Variants in RYR3 observed in about 807,000 individuals in gnomAD.
RYR3 encodes brain ryanodine receptor-calcium release channel.
A neutral mutation model predicts 584.3 loss-of-function variants in RYR3; 207 were observed. The observed-to-expected ratio is 0.35, with a 90% confidence interval of 0.32 to 0.40. RYR3 has a LOEUF of 0.40. RYR3 is among the 10% of genes least tolerant of loss of function. RYR3 has a pLI of 1.00. For synonymous variants in RYR3, 2,416 were observed against 2,248.5 expected, an observed-to-expected ratio of 1.07 and a Z score of -2.11; for missense variants, 5,616 against 6,089.2, an observed-to-expected ratio of 0.92 and a Z score of 2.59.
chr15:33,725,976 C>CGCCCAAA (rs1555427643), intron 45 of RYR3, among the ~76,000 whole-genome samples: 11 of 31,520 alleles, frequency 3.5e-4, no homozygotes, highest in East Asian at 9.0e-4. Flanking sequence ...TCCCCCCCCC[C>CGCCCAAA]AAAAAAAAAA....
chr15:33,571,616 G>C (rs11853587), intron 12 of RYR3, among the ~76,000 whole-genome samples: 37,093 of 152,050 alleles, frequency 0.24, 7,629 homozygotes, highest in African/African-American at 0.57. Context: ...CAGGTGTCTT[G>C]AATGTGCAGA....
intron 19 of RYR3, 61 bp from the exon 20 acceptor site, chr15:33,623,746 C>T: frequency 8.0e-7 from 1 of 1,243,658 alleles, no homozygotes; most frequent in Non-Finnish European, 1.2e-6. Flanking sequence ...TTAATTTTCA[C>T]TTATTTGGGC....
intron 21 of RYR3, among the ~76,000 whole-genome samples, chr15:33,629,412 A>T (rs750183206): frequency 4.6e-5 from 7 of 152,230 alleles, no homozygotes; most frequent in Non-Finnish European, 1.0e-4. Flanking sequence ...ATAATTTCTT[A>T]TATTGATTAC....
intron 42 of RYR3, among the ~76,000 whole-genome samples, chr15:33,705,452 A>ATC (rs1375797606): frequency 2.0e-5 from 3 of 152,190 alleles, no homozygotes; most frequent in Admixed American, 6.5e-5. Flanking sequence ...AAAAAACACC[A>ATC]TCTCTGACTT....
rs537378159 is a variant in RYR3, at chr15:33,523,479, G to T, written c.280-7113G>T. ...ACCTTCAGGAGCTGTAGCACTCACC[G>T]CAAGGTCTGCGGCTTCATTCTTGAA... On this transcript the variant is annotated intron_variant, in intron 3 of 103. Coordinates refer to ENST00000634891, the MANE Select transcript of RYR3 (RefSeq NM_001036.6). Among the ~76,000 whole-genome samples the T allele has an allele frequency of 2.6e-5, 4 of 152,220 alleles. No homozygotes were observed. In the South Asian group the frequency reaches 8.3e-4, roughly 32 times the overall value.
At chr15:33,763,892 C>CAAAAACAAAAAAAAAAAAA (rs1555447212) in intron 60 of RYR3, among the ~76,000 whole-genome samples, 1 of 45,872 alleles carries the variant, frequency 2.2e-5, no homozygotes, top group African/African-American at 9.0e-5. Flanking sequence ...GACTTCATCT[C>CAAAAACAAAAAAAAAAAAA]AAAAAAAAAA....
chr15:33,827,367 A>G (rs1409139794), intron 85 of RYR3, 80 bp downstream of exon 85: 1 of 1,292,714 alleles, frequency 7.7e-7, no homozygotes, highest in East Asian at 2.5e-5. Context: ...GGTCAGGGAC[A>G]GCCCAGGATA....
intron 7 of RYR3, among the ~76,000 whole-genome samples, chr15:33,541,831 G>A (rs1032474163): frequency 1.3e-5 from 2 of 152,094 alleles, no homozygotes; most frequent in African/African-American, 4.8e-5. Context: ...GATGTGTTTA[G>A]CCCTCTTCCT....
At chr15:33,813,716 A>G (rs900899305) in intron 74 of RYR3, 137 bp downstream of exon 74, 3 of 703,596 alleles carry the variant, frequency 4.3e-6, no homozygotes, top group African/African-American at 1.8e-5. Flanking sequence ...TGCAGTCTGC[A>G]TAGTATAAGG....
At chr15:33,755,313 T>TC in intron 58 of RYR3, 133 bp downstream of exon 58, 1 of 651,496 alleles carries the variant, frequency 1.5e-6, no homozygotes, top group Admixed American at 2.6e-5. Flanking sequence ...GAAATTTTTT[T>TC]CCCCCAACTT....
At position 33,657,859 on chromosome 15, in the gene RYR3, A is replaced by G. The variant is rs565035810; in HGVS notation, c.4309-1861A>G. ...TGGATGAAAGTCTGGGGTTTAACCAATCCAGCCTATTTCATCATGAACAAA... is the reference window on the plus strand; with the variant it reads ...TGGATGAAAGTCTGGGGTTTAACCAGTCCAGCCTATTTCATCATGAACAAA... On this transcript the variant is annotated intron_variant, in intron 32 of 103. Coordinates refer to ENST00000634891, the MANE Select transcript of RYR3 (RefSeq NM_001036.6). Among the ~76,000 whole-genome samples the G allele has an allele frequency of 3.9e-5, 6 of 152,308 alleles. No individual in the cohort carries two copies. In the South Asian group the frequency reaches 1.0e-3, roughly 26 times the overall value.
intron 1 of RYR3, among the ~76,000 whole-genome samples, chr15:33,346,954 A>G (rs1203545474): frequency 1.3e-5 from 2 of 152,208 alleles, no homozygotes; most frequent in East Asian, 3.8e-4. Context: ...ATTTTAAAAA[A>G]ATAGCTGGGC....
chr15:33,675,119 T>C (rs566783825), intron 38 of RYR3, among the ~76,000 whole-genome samples: 1 of 152,326 alleles, frequency 6.6e-6, no homozygotes, highest in African/African-American at 2.4e-5. Context: ...CTAAACCGTA[T>C]GCAGGCTTAG....
chr15:33,487,723 A>C (rs993014399), intron 2 of RYR3, among the ~76,000 whole-genome samples: 3 of 152,196 alleles, frequency 2.0e-5, no homozygotes, highest in Non-Finnish European at 4.4e-5. Context: ...TTGCTGTCAC[A>C]TGCAGGCAGA....
Position 33,841,879 on chromosome 15 carries a change from G to A in RYR3, c.13053G>A (p.Glu4351=). The A allele has an allele frequency of 6.3e-7, 1 of 1,595,388 alleles. No individual in the cohort carries two copies. The highest frequency in any genetic ancestry group is 8.5e-7 in the Non-Finnish European group (1 of 1,171,080). The change falls in exon 91 of 104, where the codon GAG becomes GAA. Residue 4351 remains glutamate (E), a synonymous_variant. Coordinates refer to ENST00000634891, the MANE Select transcript of RYR3 (RefSeq NM_001036.6). ...ATTTCTGCAGCATGGAAGATGGAGA[G>A]AAGGAAGACAAAGACAAAGAAGAGG... The part of the protein sequence containing the change: ...ESEKADMEDG[E]KEDKDKEEEQ...
chr15:33,635,455 C>T (rs1425907496), intron 25 of RYR3, among the ~76,000 whole-genome samples, 159 bp from the exon 26 acceptor site: 2 of 152,186 alleles, frequency 1.3e-5, no homozygotes, highest in South Asian at 2.1e-4. Flanking sequence ...ATGATGATGA[C>T]GATCATCATG....
At chr15:33,844,729 T>C in intron 92 of RYR3, 133 bp from the exon 93 acceptor site, 1 of 755,564 alleles carries the variant, frequency 1.3e-6, no homozygotes, top group East Asian at 2.7e-5. Context: ...CCTAAAAACC[T>C]CATTCATTCA....
In RYR3 at chr15:33,736,237, A is replaced by T; in HGVS notation, c.7427A>T (p.His2476Leu). ...ACGTTTGTCATTTCATACTGCAGTC[A>T]CTTGAGGCCTTCCATGTTACAGCAA... ...IEECLLAICN[H>L]LRPSMLQQLL... Residue 2476 changes from histidine (H) to leucine (L), a missense_variant and splice_region_variant, in exon 49 of 104, where the codon CAC (histidine) becomes CTC (leucine). This residue lies in a region of RYR3 where 1,280 missense variants were observed against 1,426.2 expected (regional missense o/e 0.90). Transcript: ENST00000634891. 6.2e-7 allele frequency: 1 copy of T among 1,604,682 alleles called. No homozygotes were observed. The highest frequency in any genetic ancestry group is 8.5e-7 in the Non-Finnish European group (1 of 1,172,172).
rs529274657 is a variant in RYR3 at position 33,546,586 on chromosome 15, T to C, written c.741-1544T>C. Among the ~76,000 whole-genome samples, 7 of 152,346 alleles carry C rather than the reference T, an allele frequency of 4.6e-5. No individual in the cohort carries two copies. The South Asian group carries it at 8.3e-4, about 18-fold the overall frequency. On this transcript the variant is annotated intron_variant, in intron 8 of 103. Transcript: ENST00000634891. ...TATGATTAATGTGTTCCTCTATGCA[T>C]GTTTATAAACATTTATAAAAAACAC...
Sources: allele counts gnomAD v4.1 joint callset (sites outside exome capture counted in the v4.1 genomes callset), GRCh38; gene constraint gnomAD v4.1.1; regional missense constraint gnomAD v4.1.1; transcripts MANE v1.5; gene names NCBI Gene and HGNC (gene_info 2026-07-23, HGNC 2026-07-21).